The following CFAP210 variants were observed in gnomAD, a reference collection of about 807,000 sequenced individuals.
CFAP210 encodes cilia and flagella associated protein 210.
chr2:169,687,894 G>A, the CFAP210 span, among the ~76,000 whole-genome samples: 1 of 152,092 alleles, frequency 6.6e-6, no homozygotes, highest in Non-Finnish European at 1.5e-5. Flanking sequence ...TGGACATCCA[G>A]GCATTTCCAT....
chr2:169,650,445 T>C, the CFAP210 span: 1 of 1,606,494 alleles, frequency 6.2e-7, no homozygotes, highest in African/African-American at 1.3e-5. Context: ...GCAATAATCA[T>C]ATCTTCATTG....
the CFAP210 span, among the ~76,000 whole-genome samples, chr2:169,685,040 G>A: frequency 6.6e-6 from 1 of 152,188 alleles, no homozygotes; most frequent in Non-Finnish European, 1.5e-5. Context: ...ATGGATATTA[G>A]GGGTGTTTCC....
chr2:169,690,281 A>T, the CFAP210 span, among the ~76,000 whole-genome samples: 1 of 152,268 alleles, frequency 6.6e-6, no homozygotes, highest in African/African-American at 2.4e-5. Context: ...CTGCCCTTAT[A>T]GAATGAGCTG....
the CFAP210 span, among the ~76,000 whole-genome samples, chr2:169,680,511 G>A: frequency 2.6e-5 from 4 of 152,136 alleles, no homozygotes; most frequent in Non-Finnish European, 5.9e-5. Context: ...AAATGTCAAC[G>A]TTTCATTGAT....
chr2:169,675,325 G>A, the CFAP210 span, among the ~76,000 whole-genome samples: 3 of 152,124 alleles, frequency 2.0e-5, no homozygotes, highest in South Asian at 4.1e-4. Context: ...ACCAGAGACT[G>A]GGTAATTTAT....
At chr2:169,694,244 AG>A in the CFAP210 span, 2 of 1,613,472 alleles carry the variant, frequency 1.2e-6, no homozygotes, top group Non-Finnish European at 1.7e-6. Context: ...GTCCCTGGAT[AG>A]GTCAGTTTAG....
chr2:169,662,302 T>C, the CFAP210 span: 1 of 1,599,726 alleles, frequency 6.3e-7, no homozygotes, highest in Non-Finnish European at 8.5e-7. Context: ...CCTGCTTTCA[T>C]GCATCTCTTC....
chr2:169,645,798 T>C, the CFAP210 span: 73 of 1,265,480 alleles, frequency 5.8e-5, 1 homozygote, highest in Non-Finnish European at 7.2e-5. Flanking sequence ...GAAGCTCATA[T>C]ATGCTACAAC....
the CFAP210 span, among the ~76,000 whole-genome samples, chr2:169,661,705 A>T: frequency 4.6e-5 from 7 of 152,232 alleles, no homozygotes; most frequent in Admixed American, 6.5e-5. Flanking sequence ...TTGTTCATGC[A>T]TGAGAGCACA....
the CFAP210 span, among the ~76,000 whole-genome samples, chr2:169,651,083 C>T: frequency 1.3e-5 from 2 of 151,426 alleles, no homozygotes; most frequent in Admixed American, 6.6e-5. Context: ...AAAAATTAGC[C>T]GGGCGTGGTG....
chr2:169,667,549 A>G, the CFAP210 span, among the ~76,000 whole-genome samples: 9 of 152,116 alleles, frequency 5.9e-5, no homozygotes, highest in Admixed American at 3.3e-4. Context: ...CAGTCTTATG[A>G]AATGCATTTC....
the CFAP210 span, among the ~76,000 whole-genome samples, chr2:169,686,190 G>C: frequency 6.6e-6 from 1 of 151,924 alleles, no homozygotes; most frequent in African/African-American, 2.4e-5. Context: ...CAGCCAATGA[G>C]TGTAGCTTTG....
At chr2:169,687,966 A>T in the CFAP210 span, among the ~76,000 whole-genome samples, 1 of 152,238 alleles carries the variant, frequency 6.6e-6, no homozygotes. Context: ...GTGCACCTAC[A>T]GGCTCAACAC....
At chr2:169,656,407 G>GTAGAGGAGGAGGAGGATGAAT in the CFAP210 span, among the ~76,000 whole-genome samples, 4 of 149,482 alleles carry the variant, frequency 2.7e-5, no homozygotes, top group Middle Eastern at 3.4e-3. Context: ...GGAGGATGAA[G>GTAGAGGAGGAGGAGGATGAAT]TAGAGAAGGA....
the CFAP210 span, among the ~76,000 whole-genome samples, chr2:169,656,964 C>CAAAAAAA: frequency 1.2e-3 from 47 of 39,888 alleles, no homozygotes; most frequent in Admixed American, 1.7e-3. Flanking sequence ...GACTCCATCT[C>CAAAAAAA]AAAAAAAAAA....
chr2:169,657,606 A>G, the CFAP210 span, among the ~76,000 whole-genome samples: 1 of 151,996 alleles, frequency 6.6e-6, no homozygotes. Context: ...AATCCCAGCT[A>G]CTCGGGAGGC....
chr2:169,692,480 A>C, the CFAP210 span, among the ~76,000 whole-genome samples: 3 of 145,584 alleles, frequency 2.1e-5, no homozygotes, highest in South Asian at 2.2e-4. Context: ...ACACACACAC[A>C]CCACACAGAG....
the CFAP210 span, chr2:169,650,294 C>CT: frequency 6.6e-7 from 1 of 1,511,690 alleles, no homozygotes; most frequent in Non-Finnish European, 8.8e-7. Context: ...CTAACTCTGT[C>CT]TTTCTATTTT....
the CFAP210 span, among the ~76,000 whole-genome samples, chr2:169,692,444 G>GCGCACA: frequency 0.061 from 8,739 of 143,746 alleles, 365 homozygotes; most frequent in East Asian, 0.18. Context: ...ACAGGCGCAC[G>GCGCACA]CACACACACA....
Sources: allele counts gnomAD v4.1 joint callset (sites outside exome capture counted in the v4.1 genomes callset), GRCh38; gene constraint gnomAD v4.1.1; transcripts MANE v1.5; gene names NCBI Gene and HGNC (gene_info 2026-07-23, HGNC 2026-07-21).